Variants in MGAT5 observed in about 807,000 individuals in gnomAD.
MGAT5 encodes alpha-1,6-mannosylglycoprotein 6-beta-N-acetylglucosaminyltransferase.
Under a neutral mutation model 94.3 loss-of-function variants are expected in MGAT5, and 30 were observed. The observed-to-expected ratio is 0.32, with a 90% CI of 0.24 to 0.43. The LOEUF (loss-of-function observed/expected upper bound fraction) is 0.43, where lower values mean the gene tolerates loss of function less well. Ranked by LOEUF, MGAT5 falls within the 20% of genes least tolerant of loss-of-function variation. The pLI is 1.00. For missense variants in MGAT5, 691 were observed against 905.5 expected (o/e 0.76, Z 3.04); for synonymous variants, 310 against 322.9 (o/e 0.96, Z 0.43).
At chr2:134,158,273 G>A (rs1687571800) in intron 1 of MGAT5, among the ~76,000 whole-genome samples, 1 of 152,204 alleles carries the variant, frequency 6.6e-6, no homozygotes, top group Admixed American at 6.5e-5. Flanking sequence ...AGTGTCCATG[G>A]CACCTAAATT....
chr2:134,415,041 A>G (rs981817965), intron 12 of MGAT5, among the ~76,000 whole-genome samples: 3 of 152,170 alleles, frequency 2.0e-5, no homozygotes, highest in African/African-American at 7.2e-5. Context: ...GTTTGTTTCC[A>G]TATCTTGGCT....
chr2:134,401,456 C>G (rs558888946), intron 10 of MGAT5, among the ~76,000 whole-genome samples: 1 of 152,116 alleles, frequency 6.6e-6, no homozygotes, highest in African/African-American at 2.4e-5. Flanking sequence ...TGGGTCCCCT[C>G]AGGTCAGACA....
chr2:134,443,057 C>G (rs1685574473), intron 15 of MGAT5, among the ~76,000 whole-genome samples: 1 of 152,156 alleles, frequency 6.6e-6, no homozygotes, highest in South Asian at 2.1e-4. Context: ...CTGAGTTGGC[C>G]TGTTTCTTGT....
intron 1 of MGAT5, among the ~76,000 whole-genome samples, chr2:134,173,698 C>G (rs1169525676): frequency 6.6e-6 from 1 of 152,242 alleles, no homozygotes; most frequent in East Asian, 1.9e-4. Context: ...GAGCAGCTGT[C>G]TGTCAGCCTC....
intron 1 of MGAT5, among the ~76,000 whole-genome samples, chr2:134,202,903 G>A (rs576174017): frequency 2.6e-5 from 4 of 152,086 alleles, no homozygotes; most frequent in South Asian, 2.1e-4. Flanking sequence ...AAAGTCATGC[G>A]GAGTCAAACA....
chr2:134,445,606 G>A (rs1685730584), intron 15 of MGAT5, among the ~76,000 whole-genome samples: 1 of 147,774 alleles, frequency 6.8e-6, no homozygotes, highest in Non-Finnish European at 1.5e-5. Flanking sequence ...CCCATTGGAG[G>A]GAGGCTTTGC....
At chr2:134,246,585 G>A (rs1682278918) in intron 1 of MGAT5, among the ~76,000 whole-genome samples, 1 of 152,136 alleles carries the variant, frequency 6.6e-6, no homozygotes, top group South Asian at 2.1e-4. Context: ...TCCCTTTCAT[G>A]TGTTGATTCA....
intron 1 of MGAT5, among the ~76,000 whole-genome samples, chr2:134,135,954 C>T (rs1441295819): frequency 6.6e-6 from 1 of 152,174 alleles, no homozygotes; most frequent in Non-Finnish European, 1.5e-5. Context: ...TTCATAACTG[C>T]ACAAGGTTTC....
intron 1 of MGAT5, among the ~76,000 whole-genome samples, chr2:134,235,536 C>A (rs1473561060): frequency 6.6e-6 from 1 of 152,032 alleles, no homozygotes; most frequent in Non-Finnish European, 1.5e-5. Flanking sequence ...TAACCTAACC[C>A]AATCGACAGG....
At chr2:134,383,178 T>C (rs137874911) in intron 10 of MGAT5, among the ~76,000 whole-genome samples, 6 of 152,328 alleles carry the variant, frequency 3.9e-5, no homozygotes, top group Admixed American at 6.5e-5. Context: ...AGTTTTATGG[T>C]AAAATGTTCG....
chr2:134,419,969 T>C (rs550725490), intron 12 of MGAT5, among the ~76,000 whole-genome samples: 1 of 152,278 alleles, frequency 6.6e-6, no homozygotes, highest in South Asian at 2.1e-4. Context: ...CTTCAGAAAA[T>C]ACAGGCATAA....
intron 2 of MGAT5, among the ~76,000 whole-genome samples, chr2:134,312,963 G>A (rs1371616968): frequency 1.3e-5 from 2 of 151,094 alleles, no homozygotes; most frequent in African/African-American, 2.4e-5. Context: ...CTTTGAGACC[G>A]CCGTACCAAC....
intron 2 of MGAT5, among the ~76,000 whole-genome samples, chr2:134,316,485 C>T (rs1687005963): frequency 6.6e-6 from 1 of 152,144 alleles, no homozygotes; most frequent in Non-Finnish European, 1.5e-5. Flanking sequence ...CCAGCCCTGC[C>T]ATAATGCCTG....
chr2:134,245,535 T>C (rs1388470975), intron 1 of MGAT5, among the ~76,000 whole-genome samples: 2 of 152,192 alleles, frequency 1.3e-5, no homozygotes, highest in Non-Finnish European at 2.9e-5. Flanking sequence ...CATCAAATGT[T>C]GGTTTTCTCT....
At chr2:134,149,870 A>T (rs1046220772) in intron 1 of MGAT5, among the ~76,000 whole-genome samples, 3 of 152,242 alleles carry the variant, frequency 2.0e-5, no homozygotes, top group Non-Finnish European at 2.9e-5. Context: ...GAGACCTGGA[A>T]CAGTGGAGGA....
intron 1 of MGAT5, among the ~76,000 whole-genome samples, chr2:134,185,472 T>C (rs765594483): frequency 2.6e-5 from 4 of 152,216 alleles, no homozygotes; most frequent in Non-Finnish European, 4.4e-5. Context: ...AAGTGGGTTA[T>C]GTAAAGGCAG....
chr2:134,388,264 G>A (rs943847139), intron 10 of MGAT5, among the ~76,000 whole-genome samples: 1 of 151,996 alleles, frequency 6.6e-6, no homozygotes, highest in African/African-American at 2.4e-5. Flanking sequence ...ATTGTATAAT[G>A]AGCCCCCATG....
At chr2:134,213,925 A>C (rs1680331559) in intron 1 of MGAT5, among the ~76,000 whole-genome samples, 1 of 152,114 alleles carries the variant, frequency 6.6e-6, no homozygotes, top group Non-Finnish European at 1.5e-5. Flanking sequence ...ACGATCGATT[A>C]AATCAATGTC....
intron 2 of MGAT5, among the ~76,000 whole-genome samples, chr2:134,272,228 T>C (rs1054004547): frequency 6.6e-6 from 1 of 152,218 alleles, no homozygotes; most frequent in Non-Finnish European, 1.5e-5. Flanking sequence ...TCTGGAAATA[T>C]ACCAGCCGTA....
Sources: allele counts gnomAD v4.1 joint callset (sites outside exome capture counted in the v4.1 genomes callset), GRCh38; gene constraint gnomAD v4.1.1; transcripts MANE v1.5; gene names NCBI Gene and HGNC (gene_info 2026-07-23, HGNC 2026-07-21).